The following PPP1R21 variants were observed in gnomAD, a reference collection of about 807,000 sequenced individuals.
The protein encoded by PPP1R21 is protein phosphatase 1 regulatory subunit 21, also known as KLRAQ motif containing 1.
Under a neutral mutation model 112.8 loss-of-function variants are expected in PPP1R21, and 85 were observed. The ratio of observed to expected loss-of-function variants is 0.75; its 90% CI spans 0.63 to 0.90. The LOEUF is 0.90. Among genes scored for constraint, PPP1R21 ranks in the 40% least tolerant of loss-of-function variants. The pLI is 0.00. For missense variants in PPP1R21, 1,199 were observed against 901.5 expected, an observed-to-expected ratio of 1.33 and a Z score of -4.23; for synonymous variants, 381 against 322.3, an observed-to-expected ratio of 1.18 and a Z score of -1.95.
chr2:48,441,219 T>A, intron 1 of PPP1R21: 1 of 600,766 alleles, frequency 1.7e-6, no homozygotes, highest in Non-Finnish European at 3.0e-6. Flanking sequence ...CGTGAGCGTT[T>A]TTGCAGGGAG....
At chr2:48,448,554 T>A (rs554946220) in intron 1 of PPP1R21, among the ~76,000 whole-genome samples, 1 of 145,248 alleles carries the variant, frequency 6.9e-6, no homozygotes, top group Admixed American at 6.9e-5. Context: ...ATGTAAGAGA[T>A]TACAGATCAC....
At chr2:48,443,074 T>G (rs1316027105) in intron 1 of PPP1R21, among the ~76,000 whole-genome samples, 1 of 152,220 alleles carries the variant, frequency 6.6e-6, no homozygotes, top group Non-Finnish European at 1.5e-5. Context: ...GAGTAGGGGC[T>G]AGATTCAGGA....
intron 3 of PPP1R21, among the ~76,000 whole-genome samples, chr2:48,455,999 A>T (rs986713338): frequency 4.1e-4 from 56 of 135,352 alleles, no homozygotes; most frequent in African/African-American, 1.5e-3. Flanking sequence ...TGGGTGGCAG[A>T]GTGAGACACT....
At chr2:48,497,510 A>G (rs552763530) in intron 16 of PPP1R21, among the ~76,000 whole-genome samples, 9 of 152,154 alleles carry the variant, frequency 5.9e-5, no homozygotes, top group East Asian at 3.9e-4. Flanking sequence ...ATTAAATGCA[A>G]TTATGCTTTT....
chr2:48,486,303 CAG>C, intron 13 of PPP1R21, among the ~76,000 whole-genome samples: 1 of 152,164 alleles, frequency 6.6e-6, no homozygotes, highest in South Asian at 2.1e-4. Flanking sequence ...ACTATCAAAA[CAG>C]TGGTTTTTAA....
At position 48,451,065 on chromosome 2, in the gene PPP1R21, G is replaced by T. The variant is rs748595552; in HGVS notation, c.115G>T (p.Ala39Ser). ...KGVVDEQANS[A>S]ALKEQLKMKD... ...TGTTGTGGATGAACAAGCAAATTCT[G>T]CAGCTTTAAAGGTGGGCAACAGGAT... Residue 39 changes from alanine (A) to serine (S), a missense_variant, in exon 2 of 22, where the codon GCA (alanine) becomes TCA (serine). Ala to Ser is a moderately conservative substitution (Grantham distance 99, BLOSUM62 1). Transcript: ENST00000294952. 24 of 1,613,326 alleles carry T rather than the reference G, an allele frequency of 1.5e-5. 1 individual carries two copies. The Admixed American group carries it at 3.7e-4, about 25-fold the overall frequency.
Position 48,461,119 on chromosome 2 carries a change from ATTTT to A in PPP1R21, c.600-8_600-5del. The A allele has an allele frequency of 8.1e-6, 12 of 1,490,250 alleles. No individual in the cohort carries two copies. Among genetic ancestry groups the A allele is most frequent in the Admixed American group, 7.2e-5 (3 of 41,390 alleles). The allele number at this position is 1,490,250 out of a possible 1,614,324, so 92.3% of individuals were successfully genotyped here. On this transcript the variant is annotated splice_polypyrimidine_tract_variant and intron_variant, in intron 6 of 21. Coordinates refer to ENST00000294952, the MANE Select transcript of PPP1R21 (RefSeq NM_001135629.3). The stretch of plus-strand genomic sequence containing the variant: ...GTGATTGGTGATAATGTGGTTTTGT[ATTTT>A]TTTTTTTTTTGCAGTCAATTACAGT...
intron 2 of PPP1R21, among the ~76,000 whole-genome samples, 194 bp downstream of exon 2, chr2:48,451,270 A>G (rs1667456855): frequency 6.6e-6 from 1 of 152,166 alleles, no homozygotes; most frequent in Admixed American, 6.5e-5. Flanking sequence ...TGATTTCCTT[A>G]GCTAAAAATT....
chr2:48,470,519 C>CAA lies in PPP1R21; in HGVS notation c.898-553_898-552dup, dbSNP rs34486239. On this transcript the variant is annotated intron_variant, in intron 9 of 21. Transcript: ENST00000294952. ...TGGGGGACAGAGTGAAACTCTGTCT[C>CAA]AAAAAAAAAAAAAAAAGGTTTCTGT... 2.5e-3 allele frequency among the ~76,000 whole-genome samples: 198 copies of CAA among 79,370 alleles called. 1 individual carries two copies. Among genetic ancestry groups the CAA allele is most frequent in the Admixed American group, 5.2e-3 (36 of 6,950 alleles). 52.1% of individuals were successfully genotyped at this position (79,370 alleles called of 152,430 possible). A position where few individuals can be genotyped will look rare whatever the true frequency, so the allele number is the denominator to read the frequency against.
intron 2 of PPP1R21, among the ~76,000 whole-genome samples, chr2:48,451,648 A>G (rs1667471944): frequency 6.6e-6 from 1 of 152,246 alleles, no homozygotes; most frequent in Non-Finnish European, 1.5e-5. Context: ...CATTTCTAGT[A>G]GGCATGTAGT....
chr2:48,450,150 A>C (rs949229064), intron 1 of PPP1R21, among the ~76,000 whole-genome samples: 1 of 152,046 alleles, frequency 6.6e-6, no homozygotes, highest in African/African-American at 2.4e-5. Context: ...GGCATCTCTC[A>C]CCTCTCCAGC....
At chr2:48,453,738 C>T (rs1221178387) in intron 2 of PPP1R21, among the ~76,000 whole-genome samples, 1 of 152,118 alleles carries the variant, frequency 6.6e-6, no homozygotes, top group Non-Finnish European at 1.5e-5. Flanking sequence ...TGTCATTTAG[C>T]TTTAAAGTGA....
chr2:48,467,854 A>G (rs1219838150), intron 9 of PPP1R21, among the ~76,000 whole-genome samples: 2 of 152,206 alleles, frequency 1.3e-5, no homozygotes, highest in African/African-American at 4.8e-5. Flanking sequence ...ACAGGGTGGA[A>G]ATTGAGGGAA....
chr2:48,495,435 C>T (rs112706263), intron 15 of PPP1R21, among the ~76,000 whole-genome samples: 17,712 of 152,174 alleles, frequency 0.12, 1,099 homozygotes, highest in Middle Eastern at 0.19. Context: ...AATTCCTGAC[C>T]TTGTGATCCG....
chr2:48,479,375 T>A (rs1016652121), intron 12 of PPP1R21: 1 of 426,616 alleles, frequency 2.3e-6, no homozygotes, highest in South Asian at 1.7e-5. Flanking sequence ...AGCCTCTCAC[T>A]GTTATTACTG....
At chr2:48,492,317 T>A (rs1016998847) in intron 15 of PPP1R21, among the ~76,000 whole-genome samples, 3 of 152,184 alleles carry the variant, frequency 2.0e-5, no homozygotes, top group African/African-American at 7.2e-5. Flanking sequence ...TTCCTTCACT[T>A]TTCTTTTGTT....
intron 12 of PPP1R21, among the ~76,000 whole-genome samples, chr2:48,475,251 G>A (rs1358262785): frequency 6.6e-6 from 1 of 152,160 alleles, no homozygotes; most frequent in Non-Finnish European, 1.5e-5. Flanking sequence ...TACTCTGGAG[G>A]CTGAGGTGGG....
At position 48,440,928 on chromosome 2, in the gene PPP1R21, C is replaced by G. The variant is rs759447362; in HGVS notation, c.-26C>G. 8 of 1,018,094 alleles carry G rather than the reference C, an allele frequency of 7.9e-6. No homozygotes were observed. The highest frequency in any genetic ancestry group is 1.1e-5 in the Non-Finnish European group (8 of 712,050). 63.1% of individuals were successfully genotyped at this position (1,018,094 alleles called of 1,614,324 possible). A position where few individuals can be genotyped will look rare whatever the true frequency, so the allele number is the denominator to read the frequency against. On this transcript the variant is annotated 5_prime_UTR_variant, in exon 1 of 22. Transcript: ENST00000294952. ...AGACAGGCTGAGCCGCCTGGGCGGC[C>G]TGGCCTGTACGGGGCGGGGGAGGCC...
Position 48,495,708 on chromosome 2 carries a change from A to C in PPP1R21, c.1629A>C (p.Glu543Asp), listed in dbSNP as rs368247643. ...KPLLESVPYEEALANRRILLS... is the reference protein window; with the variant it reads ...KPLLESVPYEDALANRRILLS... Reference sequence around the variant, plus strand: ...TCTTGGAGTCTGTGCCTTATGAAGAAGCACTGGCAAACCGCCGCATCCTTC... The same window carrying C: ...TCTTGGAGTCTGTGCCTTATGAAGACGCACTGGCAAACCGCCGCATCCTTC... The change falls in exon 16 of 22, where the codon GAA (glutamate) becomes GAC (aspartate). Residue 543 changes from glutamate to aspartate, a missense_variant. Glu to Asp is a conservative substitution (Grantham distance 45). Coordinates refer to ENST00000294952, the MANE Select transcript of PPP1R21 (RefSeq NM_001135629.3). The C allele has an allele frequency of 9.3e-6, 15 of 1,612,024 alleles. No individual in the cohort carries two copies. The African/African-American group carries it at 9.3e-5, about 10-fold the overall frequency.
Sources: gnomAD v4.1 joint callset for allele counts (sites outside exome capture counted in the v4.1 genomes callset) on GRCh38, gnomAD v4.1.1 for gene constraint, MANE v1.5 for transcripts, NCBI Gene and HGNC (gene_info 2026-07-23, HGNC 2026-07-21) for gene names.